Variants in CCDC141 observed in about 807,000 individuals in gnomAD.
CCDC141 encodes coiled-coil domain containing 141, also known as coiled-coil domain-containing protein 141.
A neutral mutation model predicts 181.0 loss-of-function variants in CCDC141; 168 were observed. That is an observed-to-expected ratio of 0.93 (90% CI 0.82 to 1.05). CCDC141 has a LOEUF of 1.05. CCDC141 is among the 50% of genes least tolerant of loss of function. The probability of loss-of-function intolerance (pLI) is 0.00; values close to 1 mark genes in which losing one functional copy is unlikely to be tolerated. For missense variants in CCDC141, 1,902 were observed against 1,788.5 expected, an observed-to-expected ratio of 1.06 and a Z score of -1.14; for synonymous variants, 666 against 642.3, an observed-to-expected ratio of 1.04 and a Z score of -0.56.
Position 178,837,303 on chromosome 2 carries a change from C to A in CCDC141, c.3916G>T (p.Val1306Leu), listed in dbSNP as rs761715566. Residue 1306 changes from valine (V) to leucine (L), a missense_variant, in exon 23 of 24, where the codon GTG becomes TTG. Val to Leu is a conservative substitution (Grantham distance 32). Coordinates refer to ENST00000443758, the MANE Select transcript of CCDC141 (RefSeq NM_173648.4). Reference sequence around the variant, plus strand: ...CTGTGTAAGGCAGTACTCTTTTCCACGAATCCTCTGGAGGTTAGTGGGGGC... The same window carrying A: ...CTGTGTAAGGCAGTACTCTTTTCCAAGAATCCTCTGGAGGTTAGTGGGGGC... Reference protein sequence around the residue: ...AEPPLTSRGFVEKSTALHRIS... With the variant: ...AEPPLTSRGFLEKSTALHRIS... 6 of 1,613,948 alleles carry A rather than the reference C, an allele frequency of 3.7e-6. No individual in the cohort carries two copies. The highest frequency in any genetic ancestry group is 1.7e-5 in the Admixed American group (1 of 59,992).
intron 2 of CCDC141, among the ~76,000 whole-genome samples, chr2:178,981,624 A>ATG (rs112793035): frequency 2.0e-3 from 254 of 128,688 alleles, no homozygotes; most frequent in African/African-American, 4.5e-3. Flanking sequence ...GTAGCATTGA[A>ATG]TGTGTGTGTG....
chr2:179,015,239 T>C (rs368647878), intron 2 of CCDC141, among the ~76,000 whole-genome samples: 3 of 118,858 alleles, frequency 2.5e-5, no homozygotes, highest in African/African-American at 6.2e-5. Context: ...CTCATATATA[T>C]ATCTCATATA....
chr2:178,877,653 G>A, intron 12 of CCDC141: 1 of 383,804 alleles, frequency 2.6e-6, no homozygotes, highest in Non-Finnish European at 4.6e-6. Context: ...CTTGTTGCAT[G>A]CTTTCAAAAT....
At chr2:178,958,792 G>C (rs1385350941) in intron 5 of CCDC141, among the ~76,000 whole-genome samples, 2 of 150,378 alleles carry the variant, frequency 1.3e-5, no homozygotes, top group African/African-American at 4.9e-5. Context: ...CAAAATTACT[G>C]TTTTAAAAAT....
intron 8 of CCDC141, among the ~76,000 whole-genome samples, chr2:178,898,959 A>G (rs1393094312): frequency 6.6e-6 from 1 of 152,210 alleles, no homozygotes; most frequent in Non-Finnish European, 1.5e-5. Context: ...AGAATTTGAT[A>G]CAACTGACTG....
At chr2:179,030,452 A>G (rs931601835) in intron 2 of CCDC141, among the ~76,000 whole-genome samples, 2 of 152,056 alleles carry the variant, frequency 1.3e-5, no homozygotes, top group Non-Finnish European at 2.9e-5. Context: ...AAATCCACTG[A>G]GCAATATTTG....
At chr2:178,818,764 A>T in the CCDC141 span, among the ~76,000 whole-genome samples, 1 of 152,120 alleles carries the variant, frequency 6.6e-6, no homozygotes, top group Non-Finnish European at 1.5e-5. Context: ...TTTATAACAG[A>T]ATGATTTATA....
At chr2:178,897,548 A>G (rs1041672604) in intron 8 of CCDC141, among the ~76,000 whole-genome samples, 1 of 152,230 alleles carries the variant, frequency 6.6e-6, no homozygotes, top group Non-Finnish European at 1.5e-5. Flanking sequence ...AATTAAAGTT[A>G]CACCAAAGCA....
At chr2:178,823,390 T>C in the CCDC141 span, among the ~76,000 whole-genome samples, 1 of 152,194 alleles carries the variant, frequency 6.6e-6, no homozygotes, top group Non-Finnish European at 1.5e-5. Context: ...TCCAGGTATT[T>C]AGTAGACTTA....
At chr2:178,976,730 C>T (rs1013985123) in intron 3 of CCDC141, among the ~76,000 whole-genome samples, 9 of 152,084 alleles carry the variant, frequency 5.9e-5, no homozygotes, top group Non-Finnish European at 1.3e-4. Flanking sequence ...GGGTCATATC[C>T]ACATCATTTA....
At chr2:178,905,583 A>C in intron 7 of CCDC141, 82 bp from the exon 8 acceptor site, 1 of 1,214,816 alleles carries the variant, frequency 8.2e-7, no homozygotes, top group Non-Finnish European at 1.1e-6. Flanking sequence ...CTGGCAATTA[A>C]ATCAGGCCAA....
chr2:178,994,507 T>G (rs1481101274), intron 2 of CCDC141, among the ~76,000 whole-genome samples: 1 of 152,194 alleles, frequency 6.6e-6, no homozygotes, highest in Non-Finnish European at 1.5e-5. Flanking sequence ...CCGAAACCAC[T>G]TTTTCCTCCT....
At chr2:178,935,337 A>G (rs914911161) in intron 6 of CCDC141, among the ~76,000 whole-genome samples, 1 of 152,136 alleles carries the variant, frequency 6.6e-6, no homozygotes, top group African/African-American at 2.4e-5. Context: ...ATAAGTGCTC[A>G]TGATTTGACT....
chr2:178,900,069 C>T (rs1187182709), intron 8 of CCDC141, among the ~76,000 whole-genome samples: 1 of 152,138 alleles, frequency 6.6e-6, no homozygotes, highest in Non-Finnish European at 1.5e-5. Flanking sequence ...TTATCTTCAG[C>T]TCCTCCTGCA....
chr2:179,043,812 G>T (rs1252694402), intron 2 of CCDC141, among the ~76,000 whole-genome samples: 1 of 152,144 alleles, frequency 6.6e-6, no homozygotes, highest in Non-Finnish European at 1.5e-5. Flanking sequence ...TGTGGCCAGG[G>T]CAATCAGGCA....
rs893054560 is a variant in CCDC141, at chr2:178,832,910, A to G, written c.*1263T>C. The G allele has an allele frequency of 3.3e-5, 5 of 152,190 alleles. No homozygotes were observed. Among genetic ancestry groups the G allele is most frequent in the African/African-American group, 1.2e-4 (5 of 41,454 alleles). 9.4% of individuals were successfully genotyped at this position (152,190 alleles called of 1,614,324 possible). A position where few individuals can be genotyped will look rare whatever the true frequency, so the allele number is the denominator to read the frequency against. ...AGCCAAAAAATGATCTTTTCTGAAT[A>G]AAGTGTTTCAGAAAGGCATAGAATA... is the stretch of plus-strand genomic sequence containing the variant. On this transcript the variant is annotated 3_prime_UTR_variant, in exon 24 of 24. Coordinates refer to ENST00000443758, the MANE Select transcript of CCDC141 (RefSeq NM_173648.4).
intron 4 of CCDC141, among the ~76,000 whole-genome samples, chr2:178,965,163 C>T (rs1690570595): frequency 6.6e-6 from 1 of 152,172 alleles, no homozygotes; most frequent in Non-Finnish European, 1.5e-5. Context: ...GATATTTCTT[C>T]CTAATACTTT....
Position 179,049,943 on chromosome 2 carries a change from G to A in CCDC141, c.-2C>T, listed in dbSNP as rs373407057. The A allele has an allele frequency of 9.7e-6, 15 of 1,550,304 alleles. No homozygotes were observed. The African/African-American group carries it at 1.9e-4, about 20-fold the overall frequency. Reference sequence around the variant, plus strand: ...ACTAGGACTTCCTTGGCTGGACATGGTACTTTAGAACCAGAGTTTATACTT... The same window carrying A: ...ACTAGGACTTCCTTGGCTGGACATGATACTTTAGAACCAGAGTTTATACTT... On this transcript the variant is annotated 5_prime_UTR_variant, in exon 1 of 24. Transcript: ENST00000443758.
intron 6 of CCDC141, chr2:178,926,666 C>T (rs1348036713): frequency 1.3e-5 from 2 of 152,140 alleles, no homozygotes; most frequent in African/African-American, 2.4e-5. Context: ...AAAGGTGCCA[C>T]TAATTTAAAA....
Sources: allele counts gnomAD v4.1 joint callset (sites outside exome capture counted in the v4.1 genomes callset), GRCh38; gene constraint gnomAD v4.1.1; transcripts MANE v1.5; gene names NCBI Gene and HGNC (gene_info 2026-07-23, HGNC 2026-07-21).